Variants in KCNIP4 observed in about 807,000 individuals in gnomAD.
The protein encoded by KCNIP4 is Kv channel-interacting protein 4.
A neutral mutation model predicts 34.0 loss-of-function variants in KCNIP4; 12 were observed. That is an observed-to-expected ratio of 0.35 (90% confidence interval 0.23 to 0.57). KCNIP4 has a LOEUF of 0.57. KCNIP4 is among the 20% of genes least tolerant of loss of function. The probability of loss-of-function intolerance (pLI) is 0.83; values close to 1 mark genes in which losing one functional copy is unlikely to be tolerated. For synonymous variants in KCNIP4, 124 were observed against 102.2 expected (o/e 1.21, Z -1.29); for missense variants, 238 against 311.7 (o/e 0.76, Z 1.78).
chr4:20,905,313 A>G lies in KCNIP4; in HGVS notation c.62-22604T>C, dbSNP rs190170083. Among the ~76,000 whole-genome samples the G allele has an allele frequency of 1.6e-4, 24 of 152,188 alleles. No individual in the cohort carries two copies. The East Asian group carries it at 4.7e-3, about 30-fold the overall frequency. On this transcript the variant is annotated intron_variant, in intron 1 of 8. Transcript: ENST00000382152. ...CCTGGTGTCTTTTTCTCTTTTTATAAGGAAACCAGCCATACTGAATTAGGG... is the reference window on the plus strand; with the variant it reads ...CCTGGTGTCTTTTTCTCTTTTTATAGGGAAACCAGCCATACTGAATTAGGG...
intron 1 of KCNIP4, among the ~76,000 whole-genome samples, chr4:21,075,188 A>G (rs1266188269): frequency 6.6e-6 from 1 of 152,114 alleles, no homozygotes; most frequent in African/African-American, 2.4e-5. Context: ...GTTCCTGGAT[A>G]TCTTTGTTAA....
At chr4:21,940,777 A>T (rs1420934690) in intron 1 of KCNIP4, among the ~76,000 whole-genome samples, 1 of 152,192 alleles carries the variant, frequency 6.6e-6, no homozygotes, top group Non-Finnish European at 1.5e-5. Context: ...ACTTCTCTCC[A>T]AATTTAACTT....
chr4:21,583,918 G>T (rs1224894725), intron 1 of KCNIP4, among the ~76,000 whole-genome samples: 1 of 151,952 alleles, frequency 6.6e-6, no homozygotes, highest in Non-Finnish European at 1.5e-5. Flanking sequence ...TAAAATTTCT[G>T]TTCTTTTCTT....
In KCNIP4 at chr4:20,786,177, C is replaced by T. The variant is rs555111116; in HGVS notation, c.289-27287G>A. On this transcript the variant is annotated intron_variant, in intron 3 of 8. Transcript: ENST00000382152. ...GATGCAGCTGGAGGACATTACCCTACGTAAACTCACACAGGAACAGAAAAC... is the reference window on the plus strand; with the variant it reads ...GATGCAGCTGGAGGACATTACCCTATGTAAACTCACACAGGAACAGAAAAC... Among the ~76,000 whole-genome samples the T allele has an allele frequency of 3.9e-4, 60 of 152,100 alleles. No homozygotes were observed. In the South Asian group the frequency reaches 3.9e-3, roughly 10 times the overall value.
intron 1 of KCNIP4, among the ~76,000 whole-genome samples, chr4:21,331,158 G>A (rs1341929337): frequency 2.0e-5 from 3 of 151,060 alleles, no homozygotes; most frequent in Non-Finnish European, 3.0e-5. Flanking sequence ...TTTTTGCTCT[G>A]TGGGCTAAAA....
intron 1 of KCNIP4, among the ~76,000 whole-genome samples, chr4:20,933,328 A>G (rs867835805): frequency 6.6e-6 from 1 of 152,214 alleles, no homozygotes; most frequent in Middle Eastern, 3.2e-3. Context: ...TAGTAAACAT[A>G]TAAGTTGTTA....
At chr4:21,140,286 G>T (rs1751845422) in intron 1 of KCNIP4, among the ~76,000 whole-genome samples, 1 of 151,968 alleles carries the variant, frequency 6.6e-6, no homozygotes, top group Admixed American at 6.6e-5. Flanking sequence ...GGTTATAAAA[G>T]TACACATTCC....
intron 3 of KCNIP4, among the ~76,000 whole-genome samples, chr4:20,791,282 C>T (rs908475168): frequency 6.6e-6 from 1 of 151,902 alleles, no homozygotes; most frequent in African/African-American, 2.4e-5. Context: ...TAACTTACTA[C>T]AAGAAATGTT....
At chr4:21,156,512 G>A (rs1753155824) in intron 1 of KCNIP4, among the ~76,000 whole-genome samples, 1 of 152,148 alleles carries the variant, frequency 6.6e-6, no homozygotes, top group African/African-American at 2.4e-5. Flanking sequence ...ATGTAAAACT[G>A]TGACATACAT....
intron 3 of KCNIP4, among the ~76,000 whole-genome samples, chr4:20,843,769 C>G (rs1486992788): frequency 1.3e-5 from 2 of 152,088 alleles, no homozygotes; most frequent in African/African-American, 2.4e-5. Flanking sequence ...TTGAAAGAAA[C>G]AAATAAATCA....
intron 1 of KCNIP4, among the ~76,000 whole-genome samples, chr4:21,683,287 T>C (rs1220128095): frequency 2.6e-5 from 4 of 151,936 alleles, no homozygotes; most frequent in Non-Finnish European, 5.9e-5. Flanking sequence ...CAATTACACA[T>C]TGTGTCAGGC....
chr4:21,715,451 A>G (rs912631823), intron 1 of KCNIP4, among the ~76,000 whole-genome samples: 1 of 152,020 alleles, frequency 6.6e-6, no homozygotes, highest in Non-Finnish European at 1.5e-5. Flanking sequence ...ATTTTACACA[A>G]CCAAGTTACT....
intron 1 of KCNIP4, among the ~76,000 whole-genome samples, chr4:21,474,707 T>C (rs926446036): frequency 6.6e-6 from 1 of 151,790 alleles, no homozygotes; most frequent in African/African-American, 2.4e-5. Context: ...TTAAAAATAA[T>C]TAAAATCGGC....
intron 3 of KCNIP4, among the ~76,000 whole-genome samples, chr4:20,765,153 G>C (rs998781741): frequency 1.3e-5 from 2 of 152,158 alleles, no homozygotes; most frequent in Non-Finnish European, 2.9e-5. Flanking sequence ...GGAGATACAG[G>C]AATGAGTTTT....
intron 1 of KCNIP4, among the ~76,000 whole-genome samples, chr4:21,940,299 T>C (rs1359001265): frequency 5.9e-5 from 9 of 152,154 alleles, no homozygotes; most frequent in Non-Finnish European, 4.4e-5. Context: ...CTTTATTCTA[T>C]AGGTCCCCAA....
intron 1 of KCNIP4, among the ~76,000 whole-genome samples, chr4:21,439,371 G>A (rs992420870): frequency 1.8e-4 from 27 of 152,124 alleles, no homozygotes; most frequent in Non-Finnish European, 7.4e-5. Context: ...CTTAAACAGA[G>A]TTAAGTCTAT....
intron 1 of KCNIP4, among the ~76,000 whole-genome samples, chr4:20,920,641 C>A (rs1435346177): frequency 6.6e-6 from 1 of 152,130 alleles, no homozygotes; most frequent in African/African-American, 2.4e-5. Flanking sequence ...GCCAAGTGAT[C>A]CCTGTGGACG....
chr4:21,215,134 T>C (rs945664212), intron 1 of KCNIP4, among the ~76,000 whole-genome samples: 1 of 152,254 alleles, frequency 6.6e-6, no homozygotes, highest in Non-Finnish European at 1.5e-5. Context: ...TATATTATCC[T>C]CACTCTGACA....
At chr4:21,908,217 C>T (rs1728104369) in intron 1 of KCNIP4, among the ~76,000 whole-genome samples, 1 of 152,170 alleles carries the variant, frequency 6.6e-6, no homozygotes, top group South Asian at 2.1e-4. Context: ...TATCTGCCTA[C>T]CTCTACAAAG....
Sources: gnomAD v4.1 joint callset for allele counts (sites outside exome capture counted in the v4.1 genomes callset) on GRCh38, gnomAD v4.1.1 for gene constraint, MANE v1.5 for transcripts, NCBI Gene and HGNC (gene_info 2026-07-23, HGNC 2026-07-21) for gene names.